Variants in PTPRN2 observed in about 807,000 individuals in gnomAD.
The protein encoded by PTPRN2 is protein tyrosine phosphatase receptor type N2.
PTPRN2 carries 74 observed loss-of-function variants against 118.8 expected under a neutral mutation model. The observed-to-expected ratio is 0.62, with a 90% CI of 0.52 to 0.76. The LOEUF (loss-of-function observed/expected upper bound fraction) is 0.76. Ranked by LOEUF, PTPRN2 falls within the 30% of genes least tolerant of loss-of-function variation. The pLI, the probability that PTPRN2 is intolerant of heterozygous loss-of-function variation, is 0.00. For missense variants in PTPRN2, 1,481 were observed against 1,394.4 expected (o/e 1.06, Z -0.99); for synonymous variants, 641 against 608.0 (o/e 1.05, Z -0.80).
At chr7:158,131,645 A>G (rs1818310973) in intron 9 of PTPRN2, among the ~76,000 whole-genome samples, 2 of 151,816 alleles carry the variant, frequency 1.3e-5, no homozygotes, top group African/African-American at 4.8e-5. Flanking sequence ...TCATACACAC[A>G]TGCACATACA....
At position 158,438,245 on chromosome 7, in the gene PTPRN2, G is replaced by A. The variant is rs1586671749; in HGVS notation, c.163+51490C>T. Among the ~76,000 whole-genome samples, 2 of 152,102 alleles carry A rather than the reference G, an allele frequency of 1.3e-5. No homozygotes were observed. Among genetic ancestry groups the A allele is most frequent in the Non-Finnish European group, 2.9e-5 (2 of 68,014 alleles). On this transcript the variant is annotated intron_variant, in intron 2 of 22. Transcript: ENST00000389418. The surrounding 1 kb of genome is among the most constrained non-coding windows in gnomAD (Gnocchi z 4.7). ...ATACAAAAATTAGCCAGGCGTGGTG[G>A]TGCATGCCTGTAATCCCAGCTACTG...
chr7:157,875,701 A>AG (rs1795718050), intron 12 of PTPRN2, among the ~76,000 whole-genome samples: 1 of 151,450 alleles, frequency 6.6e-6, no homozygotes, highest in Non-Finnish European at 1.5e-5. Context: ...GGGGGTCAGG[A>AG]GGGGCTGAGT....
chr7:157,889,957 G>T (rs1324594916), intron 12 of PTPRN2, among the ~76,000 whole-genome samples: 1 of 152,154 alleles, frequency 6.6e-6, no homozygotes, highest in Non-Finnish European at 1.5e-5. Context: ...GCACACACAT[G>T]TTTACACAGC....
At chr7:158,230,138 G>C (rs1829070692) in intron 3 of PTPRN2, among the ~76,000 whole-genome samples, 1 of 152,092 alleles carries the variant, frequency 6.6e-6, no homozygotes, top group Non-Finnish European at 1.5e-5. Context: ...TGTCACCCAA[G>C]AATACTATAT....
At chr7:157,865,397 G>A (rs1810580544) in intron 12 of PTPRN2, 1 of 152,194 alleles carries the variant, frequency 6.6e-6, no homozygotes, top group South Asian at 2.1e-4. Context: ...TTAGTCAGGG[G>A]TCCTGGAGGT....
intron 2 of PTPRN2, among the ~76,000 whole-genome samples, chr7:158,441,374 C>T (rs1394826204): frequency 5.1e-5 from 5 of 98,844 alleles, no homozygotes; most frequent in African/African-American, 8.4e-5. Flanking sequence ...GCAGTGGTGG[C>T]AGTGGTGGTG....
In PTPRN2 at chr7:158,587,572, A is replaced by G; in HGVS notation, c.98T>C (p.Leu33Pro). The G allele has an allele frequency of 7.5e-7, 1 of 1,329,402 alleles. No homozygotes were observed. The allele number at this position is 1,329,402 out of a possible 1,614,324, so 82.4% of individuals were successfully genotyped here. Residue 33 changes from leucine (L) to proline (P), a missense_variant, in exon 1 of 23, where the codon CTC becomes CCC. By Grantham distance (98) the Leu-to-Pro change is moderately conservative. This residue lies in a region of PTPRN2 where 1,115 missense variants were observed against 994.2 expected (regional missense o/e 1.12). Coordinates refer to ENST00000389418, the MANE Select transcript of PTPRN2 (RefSeq NM_002847.5). ...APSSVPRGRQ[L>P]PGRLGCLLEE... ...CCCCCACTCACCCAGACGCCCCGGGAGCTGCCGGCCGCGGGGGACGGACGA... is the reference window on the plus strand; with the variant it reads ...CCCCCACTCACCCAGACGCCCCGGGGGCTGCCGGCCGCGGGGGACGGACGA...
chr7:158,574,741 A>G lies in PTPRN2; in HGVS notation c.112+12817T>C, dbSNP rs913293338. 1.3e-5 allele frequency among the ~76,000 whole-genome samples: 2 copies of G among 152,242 alleles called. No homozygotes were observed. Among genetic ancestry groups the G allele is most frequent in the African/African-American group, 4.8e-5 (2 of 41,466 alleles). On this transcript the variant is annotated intron_variant, in intron 1 of 22. Transcript: ENST00000389418. This position sits in a 1 kb window ranked among gnomAD's most constrained non-coding sequence, Gnocchi z 4.6. ...ATTTAGGCCAAATTCTTCCTCTGCTACATGTGAGGACTGCATGCCCGGCAG... is the reference window on the plus strand; with the variant it reads ...ATTTAGGCCAAATTCTTCCTCTGCTGCATGTGAGGACTGCATGCCCGGCAG...
At chr7:158,345,178 A>C (rs1807408560) in intron 2 of PTPRN2, among the ~76,000 whole-genome samples, 1 of 152,174 alleles carries the variant, frequency 6.6e-6, no homozygotes, top group South Asian at 2.1e-4. Context: ...CTCAACTATG[A>C]TGGCATAAAC....
At chr7:158,456,842 A>G (rs915835829) in intron 2 of PTPRN2, among the ~76,000 whole-genome samples, 7 of 152,062 alleles carry the variant, frequency 4.6e-5, no homozygotes, top group African/African-American at 1.4e-4. Flanking sequence ...TGACACAATC[A>G]CGACTCACTG....
chr7:158,238,834 T>A (rs996260583), intron 3 of PTPRN2, among the ~76,000 whole-genome samples: 1 of 151,994 alleles, frequency 6.6e-6, no homozygotes, highest in South Asian at 2.1e-4. Flanking sequence ...CAAGGCCCCA[T>A]GAAGGGAGAC....
intron 11 of PTPRN2, among the ~76,000 whole-genome samples, chr7:158,059,283 A>G (rs1330004288): frequency 7.2e-6 from 1 of 139,762 alleles, no homozygotes; most frequent in Non-Finnish European, 1.5e-5. Flanking sequence ...CCATCTGCAC[A>G]CAGTGACACA....
At chr7:157,765,874 A>G (rs1240742822) in intron 12 of PTPRN2, among the ~76,000 whole-genome samples, 1 of 70,110 alleles carries the variant, frequency 1.4e-5, no homozygotes, top group Non-Finnish European at 2.6e-5. Context: ...TCCATCCATC[A>G]TTACTCCATC....
In PTPRN2 at chr7:158,093,619, C is replaced by T. The variant is rs1055078244; in HGVS notation, c.1644-12242G>A. Among the ~76,000 whole-genome samples the T allele has an allele frequency of 3.3e-5, 5 of 152,202 alleles. No individual in the cohort carries two copies. Among genetic ancestry groups the T allele is most frequent in the African/African-American group, 1.2e-4 (5 of 41,452 alleles). ...GCTACAGAATTCTCTTTGCATGCCT[C>T]ATTCCAGCTATGTCTTCTTACAGAG... is the stretch of plus-strand genomic sequence containing the variant. On this transcript the variant is annotated intron_variant, in intron 10 of 22. Coordinates refer to ENST00000389418, the MANE Select transcript of PTPRN2 (RefSeq NM_002847.5). This position sits in a 1 kb window ranked among gnomAD's most constrained non-coding sequence, Gnocchi z 4.4.
intron 1 of PTPRN2, among the ~76,000 whole-genome samples, chr7:158,520,489 A>G (rs1336810960): frequency 6.6e-6 from 1 of 152,162 alleles, no homozygotes; most frequent in African/African-American, 2.4e-5. Flanking sequence ...GGATGTTTGA[A>G]GCAGGTTCTC....
chr7:158,138,566 G>A, intron 6 of PTPRN2, 51 bp from the exon 7 acceptor site: 1 of 1,555,786 alleles, frequency 6.4e-7, no homozygotes, highest in Non-Finnish European at 8.8e-7. Flanking sequence ...CGAATGCAAA[G>A]GTGAGGGCCT....
At chr7:157,714,837 C>A (rs1052565164) in intron 12 of PTPRN2, among the ~76,000 whole-genome samples, 3 of 151,242 alleles carry the variant, frequency 2.0e-5, no homozygotes, top group Admixed American at 6.6e-5. Flanking sequence ...GGGAACGGCA[C>A]TGAGCTTGAG....
intron 10 of PTPRN2, among the ~76,000 whole-genome samples, chr7:158,087,322 G>A (rs750671402): frequency 2.0e-5 from 3 of 152,198 alleles, no homozygotes; most frequent in South Asian, 2.1e-4. Flanking sequence ...ACCCTGGACC[G>A]TGCAGTGAAG....
At chr7:157,830,035 G>A (rs1010846396) in intron 12 of PTPRN2, among the ~76,000 whole-genome samples, 5 of 151,470 alleles carry the variant, frequency 3.3e-5, no homozygotes, top group Non-Finnish European at 7.4e-5. Context: ...TCTCTCCCCC[G>A]TGTTACCACC....
Sources: allele counts gnomAD v4.1 joint callset (sites outside exome capture counted in the v4.1 genomes callset), GRCh38; gene constraint gnomAD v4.1.1; regional missense constraint gnomAD v4.1.1; non-coding constraint Gnocchi (gnomAD v3.1); transcripts MANE v1.5; gene names NCBI Gene and HGNC (gene_info 2026-07-23, HGNC 2026-07-21).